Variants in PRKG1 observed in about 807,000 individuals in gnomAD.
The protein encoded by PRKG1 is cGMP-dependent protein kinase 1.
A neutral mutation model predicts 88.1 loss-of-function variants in PRKG1; 35 were observed. The ratio of observed to expected loss-of-function variants is 0.40; its 90% CI spans 0.30 to 0.53. PRKG1 has a LOEUF of 0.53. Among genes scored for constraint, PRKG1 ranks in the 20% least tolerant of loss-of-function variants. The pLI, the probability that PRKG1 is intolerant of heterozygous loss-of-function variation, is 0.59. For missense variants in PRKG1, 540 were observed against 839.8 expected (o/e 0.64, Z 4.41); for synonymous variants, 303 against 292.5 (o/e 1.04, Z -0.37).
chr10:51,158,037 T>C (rs781210373), intron 2 of PRKG1, among the ~76,000 whole-genome samples: 3 of 151,946 alleles, frequency 2.0e-5, no homozygotes, highest in Non-Finnish European at 2.9e-5. Context: ...ATCCTCCTTG[T>C]AGCTCTTTGG....
chr10:51,282,801 G>T (rs1021045464), intron 2 of PRKG1, among the ~76,000 whole-genome samples: 2 of 151,840 alleles, frequency 1.3e-5, no homozygotes, highest in Non-Finnish European at 2.9e-5. Context: ...ACTACCCAGG[G>T]TACCCATCTT....
chr10:51,550,766 A>T (rs1269180607), intron 3 of PRKG1, among the ~76,000 whole-genome samples: 3 of 151,966 alleles, frequency 2.0e-5, no homozygotes, highest in South Asian at 2.1e-4. Flanking sequence ...GTACTGATAG[A>T]TATTTGCCAC....
At chr10:51,587,814 TG>T (rs1243555386) in intron 3 of PRKG1, among the ~76,000 whole-genome samples, 1 of 152,152 alleles carries the variant, frequency 6.6e-6, no homozygotes, top group Non-Finnish European at 1.5e-5. Flanking sequence ...CATCTGAAAA[TG>T]GGAATAATAA....
chr10:51,720,417 T>A (rs1841985066), intron 3 of PRKG1, among the ~76,000 whole-genome samples: 1 of 152,138 alleles, frequency 6.6e-6, no homozygotes, highest in African/African-American at 2.4e-5. Flanking sequence ...TTAATAACAA[T>A]AATAGAAGAA....
chr10:51,045,099 C>G (rs1368165916), intron 1 of PRKG1, among the ~76,000 whole-genome samples: 1 of 152,060 alleles, frequency 6.6e-6, no homozygotes, highest in African/African-American at 2.4e-5. Flanking sequence ...ACTTTTAATA[C>G]ATTTACTTTT....
At chr10:52,125,521 C>T (rs1179058712) in intron 7 of PRKG1, among the ~76,000 whole-genome samples, 1 of 152,086 alleles carries the variant, frequency 6.6e-6, no homozygotes, top group Non-Finnish European at 1.5e-5. Flanking sequence ...ATATATATCC[C>T]AAGACCTCCA....
At chr10:51,313,361 C>A (rs1469915749) in intron 2 of PRKG1, among the ~76,000 whole-genome samples, 1 of 152,118 alleles carries the variant, frequency 6.6e-6, no homozygotes, top group Non-Finnish European at 1.5e-5. Flanking sequence ...TTTTCCCTCT[C>A]TCCTCTCCTA....
intron 2 of PRKG1, among the ~76,000 whole-genome samples, chr10:51,181,070 G>C (rs77905434): frequency 0.018 from 2,779 of 151,874 alleles, 41 homozygotes; most frequent in Middle Eastern, 0.051. Context: ...CCTTGGATCA[G>C]GGAGAACCAT....
intron 1 of PRKG1, among the ~76,000 whole-genome samples, chr10:51,049,402 C>A (rs917483969): frequency 6.6e-6 from 1 of 152,162 alleles, no homozygotes; most frequent in African/African-American, 2.4e-5. Flanking sequence ...AATGAGGAAA[C>A]AATTTTTAAT....
chr10:52,082,217 A>T (rs922530296), intron 7 of PRKG1, among the ~76,000 whole-genome samples: 2 of 152,148 alleles, frequency 1.3e-5, no homozygotes, highest in Admixed American at 1.3e-4. Flanking sequence ...CCCCATGATT[A>T]AATTACCTCC....
intron 2 of PRKG1, among the ~76,000 whole-genome samples, chr10:51,376,440 T>C (rs904308860): frequency 3.9e-5 from 6 of 152,212 alleles, no homozygotes; most frequent in African/African-American, 1.4e-4. Context: ...TCAAAAATAC[T>C]TGGTCTTATT....
intron 3 of PRKG1, among the ~76,000 whole-genome samples, chr10:51,774,175 AC>A (rs1297592936): frequency 6.6e-6 from 1 of 152,052 alleles, no homozygotes; most frequent in African/African-American, 2.4e-5. Flanking sequence ...TAATTTACTT[AC>A]CCAAGCTACC....
chr10:51,992,283 A>G (rs1186460269), intron 5 of PRKG1, among the ~76,000 whole-genome samples: 1 of 152,160 alleles, frequency 6.6e-6, no homozygotes, highest in East Asian at 1.9e-4. Context: ...GTGCACACAG[A>G]GAAGGATTAT....
At chr10:51,257,901 G>A (rs1305507095) in intron 2 of PRKG1, among the ~76,000 whole-genome samples, 3 of 152,084 alleles carry the variant, frequency 2.0e-5, no homozygotes, top group Non-Finnish European at 4.4e-5. Context: ...AGAAAATCAG[G>A]GTTCTTTTGC....
chr10:51,616,145 T>G (rs1589133169), intron 3 of PRKG1, among the ~76,000 whole-genome samples: 1 of 152,188 alleles, frequency 6.6e-6, no homozygotes, highest in Non-Finnish European at 1.5e-5. Flanking sequence ...TGTGGTAAGG[T>G]TTTGCGGGGG....
intron 2 of PRKG1, among the ~76,000 whole-genome samples, chr10:51,248,751 G>A (rs566827904): frequency 3.8e-4 from 58 of 151,462 alleles, no homozygotes; most frequent in Non-Finnish European, 6.2e-4. Context: ...ATTCTCTATT[G>A]CAACTACAGT....
chr10:51,455,559 T>G (rs1249612788), intron 2 of PRKG1, among the ~76,000 whole-genome samples: 1 of 152,212 alleles, frequency 6.6e-6, no homozygotes, highest in Non-Finnish European at 1.5e-5. Flanking sequence ...AAATTTCTTC[T>G]GCCAGATACC....
At chr10:52,025,462 C>T (rs1589530633) in intron 5 of PRKG1, among the ~76,000 whole-genome samples, 1 of 152,152 alleles carries the variant, frequency 6.6e-6, no homozygotes, top group East Asian at 1.9e-4. Flanking sequence ...GGCTTTAGGT[C>T]TAACATTTAA....
intron 3 of PRKG1, among the ~76,000 whole-genome samples, chr10:51,558,756 A>G (rs1015810396): frequency 1.6e-4 from 24 of 152,144 alleles, no homozygotes; most frequent in African/African-American, 4.8e-4. Flanking sequence ...CAAAGAAAGC[A>G]TAGTAATGGA....
Sources: gnomAD v4.1 joint callset for allele counts (sites outside exome capture counted in the v4.1 genomes callset) on GRCh38, gnomAD v4.1.1 for gene constraint, MANE v1.5 for transcripts, NCBI Gene and HGNC (gene_info 2026-07-23, HGNC 2026-07-21) for gene names.